The following PKD1L1 variants were observed in gnomAD, a reference collection of about 807,000 sequenced individuals.
The protein encoded by PKD1L1 is polycystin 1 like 1, transient receptor potential channel interacting.
In PKD1L1, 236 loss-of-function variants were observed where a neutral mutation model predicts 323.4. That is an observed-to-expected ratio of 0.73 (90% CI 0.66 to 0.81). PKD1L1 has a LOEUF of 0.81. Ranked by LOEUF, PKD1L1 falls within the 40% of genes least tolerant of loss-of-function variation. The probability of loss-of-function intolerance (pLI) is 0.00; values close to 1 mark genes in which losing one functional copy is unlikely to be tolerated. For synonymous variants in PKD1L1, 1,344 were observed against 1,335.0 expected (o/e 1.01, Z -0.15); for missense variants, 3,320 against 3,508.0 (o/e 0.95, Z 1.35).
At chr7:47,936,747 G>T in intron 4 of PKD1L1, 99 bp downstream of exon 4, 1 of 927,628 alleles carries the variant, frequency 1.1e-6, no homozygotes, top group Non-Finnish European at 1.7e-6. Flanking sequence ...GGGCCATGTA[G>T]GAACAAGCAT....
At chr7:47,824,965 G>C (rs958625842) in intron 45 of PKD1L1, among the ~76,000 whole-genome samples, 3 of 152,142 alleles carry the variant, frequency 2.0e-5, no homozygotes, top group Admixed American at 1.3e-4. Flanking sequence ...TAAAAAGTGT[G>C]GATGCTGGAT....
chr7:47,951,644 C>T (rs1354677251), upstream of PKD1L1, among the ~76,000 whole-genome samples: 2 of 152,218 alleles, frequency 1.3e-5, no homozygotes, highest in South Asian at 2.1e-4. Context: ...GGTTCCTCCT[C>T]AGATGGAAAC....
At chr7:47,786,892 G>T (rs1275507452) in intron 56 of PKD1L1, among the ~76,000 whole-genome samples, 1 of 152,182 alleles carries the variant, frequency 6.6e-6, no homozygotes, top group Non-Finnish European at 1.5e-5. Context: ...AACCGTTAAG[G>T]GGGCCGAGCT....
At chr7:47,932,181 G>T in intron 4 of PKD1L1, 125 bp from the exon 5 acceptor site, 1 of 1,412,060 alleles carries the variant, frequency 7.1e-7, no homozygotes, top group Non-Finnish European at 9.5e-7. Context: ...TGCTGTGATT[G>T]CAGGCTCATT....
intron 37 of PKD1L1, 61 bp downstream of exon 37, chr7:47,836,860 A>G (rs956842786): frequency 2.3e-5 from 36 of 1,536,630 alleles, no homozygotes; most frequent in Non-Finnish European, 8.8e-6. Context: ...TTCTTAGGCA[A>G]AAAGGGGCCA....
At chr7:47,853,709 C>T (rs1174926882) in intron 30 of PKD1L1, among the ~76,000 whole-genome samples, 3 of 149,190 alleles carry the variant, frequency 2.0e-5, no homozygotes, top group Non-Finnish European at 4.4e-5. Flanking sequence ...CACCATTGCA[C>T]TCCAACCTGG....
chr7:47,927,814 T>A (rs954660292), intron 7 of PKD1L1, among the ~76,000 whole-genome samples: 22 of 152,232 alleles, frequency 1.4e-4, no homozygotes, highest in African/African-American at 5.1e-4. Context: ...CAATTACAGA[T>A]GCACATAGCA....
At position 47,840,687 on chromosome 7, in the gene PKD1L1, C is replaced by T. The variant is rs971704360; in HGVS notation, c.5446-120G>A. 47 of 727,022 alleles carry T rather than the reference C, an allele frequency of 6.5e-5. No homozygotes were observed. The highest frequency in any genetic ancestry group is 2.4e-4 in the South Asian group (14 of 57,778). 45.0% of individuals were successfully genotyped at this position (727,022 alleles called of 1,614,324 possible). A position where few individuals can be genotyped will look rare whatever the true frequency, so the allele number is the denominator to read the frequency against. On this transcript the variant is annotated intron_variant, in intron 34 of 56. Transcript: ENST00000289672. The surrounding 1 kb of genome is among the most constrained non-coding windows in gnomAD (Gnocchi z 4.1). ...CCACCCTTCCTCAAAACCATCTGCA[C>T]GGTGGAGTGCCACAGCCTAGAGCCA...
intron 10 of PKD1L1, among the ~76,000 whole-genome samples, chr7:47,905,608 G>A (rs1204090477): frequency 6.6e-6 from 1 of 152,228 alleles, no homozygotes; most frequent in Non-Finnish European, 1.5e-5. Context: ...CATGGAGCTG[G>A]CAGATAACAG....
At chr7:47,811,151 C>CTTTTTTTTTTTTTTTTTT (rs1562940874) in intron 50 of PKD1L1, among the ~76,000 whole-genome samples, 1 of 87,842 alleles carries the variant, frequency 1.1e-5, no homozygotes, top group Non-Finnish European at 2.4e-5. Context: ...TAAATGTCTC[C>CTTTTTTTTTTTTTTTTTT]TTCTTTTTTT....
intron 56 of PKD1L1, among the ~76,000 whole-genome samples, chr7:47,789,715 C>T (rs1226628421): frequency 6.6e-6 from 1 of 152,090 alleles, no homozygotes; most frequent in South Asian, 2.1e-4. Context: ...TATATATTGT[C>T]CTTTGTTTTA....
chr7:47,786,900 GC>G (rs1233708891), intron 56 of PKD1L1, among the ~76,000 whole-genome samples: 2 of 152,202 alleles, frequency 1.3e-5, no homozygotes, highest in African/African-American at 4.8e-5. Flanking sequence ...AGGGGGCCGA[GC>G]TGGCAAGGGG....
intron 52 of PKD1L1, among the ~76,000 whole-genome samples, chr7:47,807,507 C>A (rs1475799391): frequency 6.6e-6 from 1 of 152,100 alleles, no homozygotes; most frequent in Non-Finnish European, 1.5e-5. Context: ...GGGGCCCTGA[C>A]CACCCTCTAG....
intron 14 of PKD1L1, among the ~76,000 whole-genome samples, chr7:47,897,234 C>A (rs1404455795): frequency 2.0e-5 from 3 of 152,196 alleles, no homozygotes; most frequent in Non-Finnish European, 4.4e-5. Flanking sequence ...ACACAAGGCA[C>A]CAGATGGAAC....
chr7:47,854,886 C>T lies in PKD1L1; in HGVS notation c.4855G>A (p.Val1619Ile). Reference protein sequence around the residue: ...VTRAFPVMLLVRFSEKPTPSD... With the variant: ...VTRAFPVMLLIRFSEKPTPSD... The stretch of plus-strand genomic sequence containing the variant: ...TAGCTGTCACCATCAACACACCTTA[C>T]TAGCAACATGACGGGAAATGCCCTT... Residue 1619 changes from valine (V) to isoleucine (I), a missense_variant, in exon 30 of 57, where the codon GTA becomes ATA. Physicochemically the swap from Val to Ile is conservative, Grantham distance 29. Transcript: ENST00000289672. 6.2e-7 allele frequency: 1 copy of T among 1,614,074 alleles called. No individual in the cohort carries two copies. Among genetic ancestry groups the T allele is most frequent in the Middle Eastern group, 1.7e-4 (1 of 6,060 alleles).
intron 54 of PKD1L1, among the ~76,000 whole-genome samples, chr7:47,797,619 G>A (rs1179309976): frequency 2.6e-5 from 4 of 152,146 alleles, no homozygotes. Flanking sequence ...GCCTAAGCAC[G>A]ACATTCAAGG....
chr7:47,786,033 T>C (rs899379180), intron 56 of PKD1L1, among the ~76,000 whole-genome samples: 1 of 152,184 alleles, frequency 6.6e-6, no homozygotes, highest in Non-Finnish European at 1.5e-5. Flanking sequence ...TGAGGCACCA[T>C]GCCTGGCCAA....
chr7:47,820,599 T>G (rs532886082), intron 46 of PKD1L1, among the ~76,000 whole-genome samples: 2 of 152,236 alleles, frequency 1.3e-5, no homozygotes, highest in East Asian at 3.9e-4. Context: ...TGGTGGCACA[T>G]GCCTGTAATC....
intron 7 of PKD1L1, among the ~76,000 whole-genome samples, chr7:47,927,296 T>G (rs1787673417): frequency 6.6e-6 from 1 of 152,110 alleles, no homozygotes; most frequent in Admixed American, 6.6e-5. Context: ...CTTTTTTTTT[T>G]GAGATGGAGT....
Sources: allele counts gnomAD v4.1 joint callset (sites outside exome capture counted in the v4.1 genomes callset), GRCh38; gene constraint gnomAD v4.1.1; non-coding constraint Gnocchi (gnomAD v3.1); transcripts MANE v1.5; gene names NCBI Gene and HGNC (gene_info 2026-07-23, HGNC 2026-07-21).